TNFRSF11A: variants seen among roughly 807,000 people sequenced by gnomAD.
The protein encoded by TNFRSF11A is tumor necrosis factor receptor superfamily member 11A.
In TNFRSF11A, 32 loss-of-function variants were observed where a neutral mutation model predicts 55.7. That is an observed-to-expected ratio of 0.57 (90% CI 0.43 to 0.77). The LOEUF is 0.77. Ranked by LOEUF, TNFRSF11A falls within the 30% of genes least tolerant of loss-of-function variation. The probability of loss-of-function intolerance (pLI) is 0.00; values close to 1 mark genes in which losing one functional copy is unlikely to be tolerated. For missense variants in TNFRSF11A, 753 were observed against 809.8 expected (o/e 0.93, Z 0.85); for synonymous variants, 311 against 331.0 (o/e 0.94, Z 0.65).
chr18:62,332,545 A>G (rs1292429444), intron 1 of TNFRSF11A, among the ~76,000 whole-genome samples: 1 of 152,236 alleles, frequency 6.6e-6, no homozygotes, highest in Non-Finnish European at 1.5e-5. Context: ...TCCCTCTAAC[A>G]GACCTAAATC....
rs79308197 is a variant in TNFRSF11A at position 62,372,565 on chromosome 18, C to T, written c.1567+3081C>T. The stretch of plus-strand genomic sequence containing the variant: ...TTCAGGGTACATGTGCAGGTTTGTA[C>T]CTGGGTATATTGTATGATGCTGAGT... On this transcript the variant is annotated intron_variant, in intron 9 of 9. Transcript: ENST00000586569. Among the ~76,000 whole-genome samples, 988 of 151,640 alleles carry T rather than the reference C, an allele frequency of 6.5e-3. 6 individuals are homozygous for T. The highest frequency in any genetic ancestry group is 0.023 in the African/African-American group (959 of 41,346).
At chr18:62,370,423 G>T (rs1360733429) in intron 9 of TNFRSF11A, among the ~76,000 whole-genome samples, 1 of 152,174 alleles carries the variant, frequency 6.6e-6, no homozygotes, top group Admixed American at 6.5e-5. Flanking sequence ...CCCATTCATA[G>T]GCCGCCCCTC....
rs1480652877 is a variant in TNFRSF11A, at chr18:62,325,462, C to T, written c.75+35C>T. 8.1e-7 allele frequency: 1 copy of T among 1,229,188 alleles called. No homozygotes were observed. The highest frequency in any genetic ancestry group is 4.3e-5 in the East Asian group (1 of 23,510). 76.1% of individuals were successfully genotyped at this position (1,229,188 alleles called of 1,614,324 possible). ...GCCCGCGCCTGCCGGGCCGCGCGGC[C>T]CGACGCCTCCTCGGGAGCCCCGGGA... is the stretch of plus-strand genomic sequence containing the variant. On this transcript the variant is annotated intron_variant, in intron 1 of 9. Coordinates refer to ENST00000586569, the MANE Select transcript of TNFRSF11A (RefSeq NM_003839.4). This position sits in a 1 kb window ranked among gnomAD's most constrained non-coding sequence, Gnocchi z 4.7.
chr18:62,341,158 CTG>C (rs1425350550), intron 1 of TNFRSF11A, among the ~76,000 whole-genome samples: 11 of 152,330 alleles, frequency 7.2e-5, no homozygotes, highest in African/African-American at 2.2e-4. Context: ...ACTGAGTAAA[CTG>C]TGTCTGCCTT....
chr18:62,339,251 C>CT (rs2046277933), intron 1 of TNFRSF11A, among the ~76,000 whole-genome samples: 2 of 152,202 alleles, frequency 1.3e-5, no homozygotes, highest in Admixed American at 1.3e-4. Context: ...CCCAGCCCCC[C>CT]AGGCTCTCCG....
intron 1 of TNFRSF11A, among the ~76,000 whole-genome samples, chr18:62,340,249 C>T (rs1408331077): frequency 1.3e-5 from 2 of 151,936 alleles, no homozygotes; most frequent in African/African-American, 4.8e-5. Flanking sequence ...AACAGGGTCT[C>T]ACTCTGTCAC....
chr18:62,343,786 A>G (rs1378318013), intron 1 of TNFRSF11A, among the ~76,000 whole-genome samples: 3 of 152,210 alleles, frequency 2.0e-5, no homozygotes, highest in Non-Finnish European at 4.4e-5. Context: ...CTTTTTTTAG[A>G]CTTAGCAAGG....
In TNFRSF11A at chr18:62,384,874, A is replaced by C. The variant is rs776498529; in HGVS notation, c.1691A>C (p.Glu564Ala). Residue 564 changes from glutamate to alanine, a missense_variant, in exon 10 of 10, where the codon GAG (glutamate) becomes GCG (alanine). Physicochemically the swap from Glu to Ala is moderately radical, Grantham distance 107 (BLOSUM62 -1). Coordinates refer to ENST00000586569, the MANE Select transcript of TNFRSF11A (RefSeq NM_003839.4). ...CAGGAGGGCGCGGCGGCGGCTGCGG[A>C]GCCCATGGGCCGCCCGGTGCAGGAG... The part of the protein sequence containing the change: ...TSQEGAAAAA[E>A]PMGRPVQEET... The C allele has an allele frequency of 2.5e-6, 4 of 1,598,142 alleles. No individual in the cohort carries two copies. The highest frequency in any genetic ancestry group is 3.4e-6 in the Non-Finnish European group (4 of 1,172,732).
At chr18:62,342,337 G>A (rs568059421) in intron 1 of TNFRSF11A, among the ~76,000 whole-genome samples, 20 of 139,656 alleles carry the variant, frequency 1.4e-4, no homozygotes, top group Middle Eastern at 4.1e-3. Flanking sequence ...GGGAGGTCAA[G>A]GCTGCAGTGA....
intron 9 of TNFRSF11A, among the ~76,000 whole-genome samples, chr18:62,380,806 T>A (rs1392132273): frequency 1.7e-3 from 149 of 90,180 alleles, no homozygotes; most frequent in Non-Finnish European, 2.7e-3. Flanking sequence ...AATAATATTC[T>A]TTTTTTTTTT....
At position 62,350,469 on chromosome 18, in the gene TNFRSF11A, C is replaced by T. The variant is rs377337731; in HGVS notation, c.283+532C>T. Among the ~76,000 whole-genome samples, 56 of 151,936 alleles carry T rather than the reference C, an allele frequency of 3.7e-4. No homozygotes were observed. In the South Asian group the frequency reaches 8.6e-3, roughly 23 times the overall value. The stretch of plus-strand genomic sequence containing the variant: ...CACCACGCCCAGCTAATTTTTTGTA[C>T]TTTTAGTAGAGACGGGGTTTCACCA... On this transcript the variant is annotated intron_variant, in intron 3 of 9. Transcript: ENST00000586569.
chr18:62,354,544 G>C lies in TNFRSF11A; in HGVS notation c.427+10G>C, dbSNP rs2145309696. 6.2e-7 allele frequency: 1 copy of C among 1,602,440 alleles called. No individual in the cohort carries two copies. The highest frequency in any genetic ancestry group is 1.3e-5 in the African/African-American group (1 of 75,040). ...GGCGCCCAGCACCCGTGTACGGGTT[G>C]GATGTGTGCGTCTGTCGGCTCTTGC... is the stretch of plus-strand genomic sequence containing the variant. On this transcript the variant is annotated intron_variant, in intron 4 of 9. Coordinates refer to ENST00000586569, the MANE Select transcript of TNFRSF11A (RefSeq NM_003839.4).
intron 1 of TNFRSF11A, among the ~76,000 whole-genome samples, chr18:62,342,213 C>T (rs1413624547): frequency 6.6e-6 from 1 of 151,578 alleles, no homozygotes; most frequent in African/African-American, 2.4e-5. Context: ...CCAGCCTGGG[C>T]AACATGGTGA....
intron 2 of TNFRSF11A, among the ~76,000 whole-genome samples, chr18:62,349,511 G>T (rs1424609072): frequency 2.0e-5 from 3 of 152,132 alleles, no homozygotes; most frequent in Non-Finnish European, 4.4e-5. Flanking sequence ...GACTTTTTGG[G>T]TGCAGAGGGT....
rs75602938 is a variant in TNFRSF11A, at chr18:62,326,420, T to C, written c.75+993T>C. Among the ~76,000 whole-genome samples the C allele has an allele frequency of 2.4e-3, 362 of 152,286 alleles. 1 individual carries two copies. Among genetic ancestry groups the C allele is most frequent in the Middle Eastern group, 3.4e-3 (1 of 294 alleles). ...ATTCTAGGGAAGATTCATTCCCAAT[T>C]GTATGGGTCTGTCAGTATGGTTGAG... On this transcript the variant is annotated intron_variant, in intron 1 of 9. Coordinates refer to ENST00000586569, the MANE Select transcript of TNFRSF11A (RefSeq NM_003839.4).
chr18:62,369,433 A>C lies in TNFRSF11A; in HGVS notation c.1516A>C (p.Arg506=). 1.9e-6 allele frequency: 3 copies of C among 1,610,868 alleles called. No individual in the cohort carries two copies. The highest frequency in any genetic ancestry group is 2.5e-6 in the Non-Finnish European group (3 of 1,180,030). ...GADGRLPSSA[R]AGAGSGSSPG... The stretch of plus-strand genomic sequence containing the variant: ...TGATGGGAGGCTCCCAAGCTCAGCG[A>C]GGGCAGGTGCCGGGTCTGGAAGCTC... The change falls in exon 9 of 10, where the codon AGG becomes CGG. Residue 506 remains arginine, a synonymous_variant. Coordinates refer to ENST00000586569, the MANE Select transcript of TNFRSF11A (RefSeq NM_003839.4).
Position 62,385,132 on chromosome 18 carries a change from G to C in TNFRSF11A, c.*98G>C. The C allele has an allele frequency of 1.5e-6, 2 of 1,310,186 alleles. No homozygotes were observed. Among genetic ancestry groups the C allele is most frequent in the Non-Finnish European group, 2.0e-6 (2 of 1,018,830 alleles). The allele number at this position is 1,310,186 out of a possible 1,614,324, so 81.2% of individuals were successfully genotyped here. On this transcript the variant is annotated 3_prime_UTR_variant, in exon 10 of 10. Coordinates refer to ENST00000586569, the MANE Select transcript of TNFRSF11A (RefSeq NM_003839.4). ...GCCCCGGCCACCCAGGGATCGATCG[G>C]TACAGTCGAGGAAGACCACCCGGCA...
intron 3 of TNFRSF11A, among the ~76,000 whole-genome samples, 165 bp from the exon 4 acceptor site, chr18:62,354,226 C>G (rs937976236): frequency 6.6e-6 from 1 of 152,158 alleles, no homozygotes; most frequent in Non-Finnish European, 1.5e-5. Context: ...GCAGGAAGTG[C>G]GAGGAGGAAC....
At chr18:62,379,587 G>A (rs1197685137) in intron 9 of TNFRSF11A, among the ~76,000 whole-genome samples, 1 of 152,182 alleles carries the variant, frequency 6.6e-6, no homozygotes, top group African/African-American at 2.4e-5. Flanking sequence ...ACCGTGAAAG[G>A]TGGAAGGAAG....
Sources: gnomAD v4.1 joint callset for allele counts (sites outside exome capture counted in the v4.1 genomes callset) on GRCh38, gnomAD v4.1.1 for gene constraint, Gnocchi (gnomAD v3.1) non-coding constraint, MANE v1.5 for transcripts, NCBI Gene and HGNC (gene_info 2026-07-23, HGNC 2026-07-21) for gene names.